The following CERS5 variants were observed in gnomAD, a reference collection of about 807,000 sequenced individuals.
The protein encoded by CERS5 is ceramide synthase 5.
Under a neutral mutation model 58.9 loss-of-function variants are expected in CERS5, and 37 were observed. The observed-to-expected ratio is 0.63, with a 90% CI of 0.48 to 0.83. The LOEUF is 0.83. Ranked by LOEUF, CERS5 falls within the 40% of genes least tolerant of loss-of-function variation. The pLI, the probability that CERS5 is intolerant of heterozygous loss-of-function variation, is 0.00. For missense variants in CERS5, 398 were observed against 489.3 expected (o/e 0.81, Z 1.76); for synonymous variants, 147 against 177.8 (o/e 0.83, Z 1.38).
intron 4 of CERS5, among the ~76,000 whole-genome samples, chr12:50,140,558 T>C (rs577031969): frequency 6.6e-6 from 1 of 152,306 alleles, no homozygotes; most frequent in South Asian, 2.1e-4. Flanking sequence ...GTGCTAGGAT[T>C]ACAGGTGTGA....
chr12:50,151,959 A>G (rs1938013640), intron 1 of CERS5, among the ~76,000 whole-genome samples: 1 of 152,180 alleles, frequency 6.6e-6, no homozygotes, highest in African/African-American at 2.4e-5. Context: ...ACCAACTACT[A>G]ATATTATCAA....
Position 50,133,254 on chromosome 12 carries a change from C to T in CERS5, c.1029+1292G>A, listed in dbSNP as rs1036225824. On this transcript the variant is annotated intron_variant, in intron 9 of 9. Transcript: ENST00000317551. ...ACCTGCTCAAGCAGAGCCCCTCCCA[C>T]TTGGGATTCTGTATTCCTTTAGGCT... is the stretch of plus-strand genomic sequence containing the variant. 44 of 1,078,202 alleles carry T rather than the reference C, an allele frequency of 4.1e-5. No homozygotes were observed. In the South Asian group the frequency reaches 1.1e-3, roughly 27 times the overall value. The allele number at this position is 1,078,202 out of a possible 1,614,324, so 66.8% of individuals were successfully genotyped here.
In CERS5 at chr12:50,129,293, T is replaced by C. The variant is rs1951185666; in HGVS notation, c.*1252A>G. On this transcript the variant is annotated 3_prime_UTR_variant, in exon 10 of 10. Transcript: ENST00000317551. ...TAGCATGTAATGAGTCATGTGTTAG[T>C]TATTATTTTTATTATTGTTTTATCC... The C allele has an allele frequency of 6.6e-6, 1 of 152,160 alleles. No homozygotes were observed. Among genetic ancestry groups the C allele is most frequent in the African/African-American group, 2.4e-5 (1 of 41,444 alleles). 9.4% of individuals were successfully genotyped at this position (152,160 alleles called of 1,614,324 possible).
chr12:50,138,000 C>T (rs1302888043), intron 5 of CERS5, among the ~76,000 whole-genome samples, 180 bp from the exon 6 acceptor site: 1 of 152,180 alleles, frequency 6.6e-6, no homozygotes, highest in African/African-American at 2.4e-5. Context: ...TAAGCCTCTT[C>T]CCTTGCTCCT....
At chr12:50,146,199 A>C (rs1952258309) in intron 1 of CERS5, among the ~76,000 whole-genome samples, 1 of 152,184 alleles carries the variant, frequency 6.6e-6, no homozygotes, top group African/African-American at 2.4e-5. Flanking sequence ...TAGAATGGAG[A>C]TAATATCTAC....
intron 1 of CERS5, among the ~76,000 whole-genome samples, chr12:50,153,563 T>G (rs1196846863): frequency 6.6e-6 from 1 of 151,864 alleles, no homozygotes. Context: ...CAGGCAAGAT[T>G]TTAAAATATT....
intron 1 of CERS5, chr12:50,153,882 A>G: frequency 2.4e-6 from 1 of 422,168 alleles, no homozygotes; most frequent in Non-Finnish European, 4.7e-6. Context: ...TGAACCTGGG[A>G]GGCAGAGGTT....
intron 9 of CERS5, among the ~76,000 whole-genome samples, chr12:50,131,558 C>CAAAAAAAA (rs752634104): frequency 2.9e-5 from 2 of 69,838 alleles, no homozygotes; most frequent in Non-Finnish European, 5.4e-5. Context: ...GACTCCATCT[C>CAAAAAAAA]AAAAAAAAAA....
At position 50,161,784 on chromosome 12, in the gene CERS5, G is replaced by GAAAAAA. The variant is rs374177550; in HGVS notation, c.197+5311_197+5316dup. Among the ~76,000 whole-genome samples the GAAAAAA allele has an allele frequency of 6.6e-4, 60 of 90,892 alleles. 3 individuals are homozygous for GAAAAAA. The highest frequency in any genetic ancestry group is 2.2e-3 in the Admixed American group (13 of 5,978). The allele number at this position is 90,892 out of a possible 152,430, so 59.6% of individuals were successfully genotyped here. A position where few individuals can be genotyped will look rare whatever the true frequency, so the allele number is the denominator to read the frequency against. ...AGAGTGAGACTCCGTCTCAAAAAAA[G>GAAAAAA]AAAAAAAAAAAAAAAAGCAAAGTTC... On this transcript the variant is annotated intron_variant, in intron 1 of 9. Coordinates refer to ENST00000317551, the MANE Select transcript of CERS5 (RefSeq NM_147190.5).
chr12:50,143,083 C>A lies in CERS5; in HGVS notation c.425G>T (p.Cys142Phe). The A allele has an allele frequency of 6.2e-7, 1 of 1,606,550 alleles. No individual in the cohort carries two copies. Residue 142 changes from cysteine (C) to phenylalanine (F), a missense_variant, in exon 3 of 10, where the codon TGT becomes TTT. Cys to Phe is a radical substitution (Grantham distance 205). Transcript: ENST00000317551. ...CTCCTTGCGTACTTACATGCTTTCA[C>A]AGAATTTAGTAAGCGTTGGGGGCTT... The part of the protein sequence containing the change: ...QDKPPTLTKF[C>F]ESMWRFTFYL...
intron 9 of CERS5, among the ~76,000 whole-genome samples, chr12:50,132,423 TA>T (rs34632215): frequency 6.6e-4 from 97 of 148,020 alleles, no homozygotes; most frequent in East Asian, 4.4e-3. Context: ...AAATAAAAAT[TA>T]AAAAAAAAAA....
rs1012829308 is a variant in CERS5 at position 50,142,841 on chromosome 12, T to C, written c.434+233A>G. On this transcript the variant is annotated intron_variant, in intron 3 of 9. Coordinates refer to ENST00000317551, the MANE Select transcript of CERS5 (RefSeq NM_147190.5). ...GTTATAAGGATTTACTCCCAATCTATTTAGGAAAAGGGAACAAAATAGAAC... is the reference window on the plus strand; with the variant it reads ...GTTATAAGGATTTACTCCCAATCTACTTAGGAAAAGGGAACAAAATAGAAC... 2.6e-5 allele frequency among the ~76,000 whole-genome samples: 4 copies of C among 152,176 alleles called. No individual in the cohort carries two copies. In the East Asian group the frequency reaches 7.7e-4, roughly 29 times the overall value.
intron 1 of CERS5, among the ~76,000 whole-genome samples, chr12:50,148,761 C>T (rs146835728): frequency 0.026 from 3,953 of 151,160 alleles, 67 homozygotes; most frequent in Non-Finnish European, 0.044. Context: ...AAAAATTAGC[C>T]GGGCATGGTC....
intron 1 of CERS5, among the ~76,000 whole-genome samples, chr12:50,146,110 G>A (rs1268601346): frequency 6.6e-6 from 1 of 152,100 alleles, no homozygotes; most frequent in African/African-American, 2.4e-5. Context: ...TAATCCAGAG[G>A]CAGTCAGCTG....
At chr12:50,140,958 A>G (rs945819510) in intron 4 of CERS5, among the ~76,000 whole-genome samples, 2 of 150,902 alleles carry the variant, frequency 1.3e-5, no homozygotes, top group African/African-American at 2.4e-5. Flanking sequence ...CTTTTTGTCT[A>G]TAATATTTTG....
intron 8 of CERS5, chr12:50,135,420 TC>T: frequency 1.8e-6 from 1 of 552,594 alleles, no homozygotes; most frequent in South Asian, 1.6e-5. Flanking sequence ...GCAAAAGAAG[TC>T]AAAGGAATTA....
At chr12:50,160,951 G>A (rs1939212480) in intron 1 of CERS5, among the ~76,000 whole-genome samples, 1 of 152,184 alleles carries the variant, frequency 6.6e-6, no homozygotes, top group Admixed American at 6.6e-5. Context: ...ATAGTATGGT[G>A]AAATTTAACA....
At chr12:50,165,352 G>C (rs1007347268) in intron 1 of CERS5, 1 of 151,722 alleles carries the variant, frequency 6.6e-6, no homozygotes, top group African/African-American at 2.4e-5. Context: ...CCGAGAGGCG[G>C]AGCTTGCAGT....
chr12:50,153,524 C>T (rs56273125), intron 1 of CERS5, among the ~76,000 whole-genome samples: 1 of 151,794 alleles, frequency 6.6e-6, no homozygotes, highest in Non-Finnish European at 1.5e-5. Context: ...GTGATGCGCC[C>T]ACCTCGGCCT....
Sources: gnomAD v4.1 joint callset for allele counts (sites outside exome capture counted in the v4.1 genomes callset) on GRCh38, gnomAD v4.1.1 for gene constraint, MANE v1.5 for transcripts, NCBI Gene and HGNC (gene_info 2026-07-23, HGNC 2026-07-21) for gene names.